Variants in PRKCE observed in about 807,000 individuals in gnomAD.
The protein encoded by PRKCE is protein kinase C epsilon type.
Under a neutral mutation model 85.4 loss-of-function variants are expected in PRKCE, and 16 were observed. That is an observed-to-expected ratio of 0.19 (90% CI 0.13 to 0.28). The LOEUF is 0.28. Ranked by LOEUF, PRKCE falls within the 10% of genes least tolerant of loss-of-function variation. PRKCE has a pLI of 1.00. For synonymous variants in PRKCE, 388 were observed against 371.5 expected, an observed-to-expected ratio of 1.04 and a Z score of -0.51; for missense variants, 573 against 975.2, an observed-to-expected ratio of 0.59 and a Z score of 5.49.
intron 7 of PRKCE, among the ~76,000 whole-genome samples, chr2:46,003,285 T>G (rs187373948): frequency 6.6e-6 from 1 of 152,292 alleles, no homozygotes; most frequent in Non-Finnish European, 1.5e-5. Flanking sequence ...AGAAAGGATG[T>G]GTGTGCACAG....
At chr2:45,956,311 CTT>C (rs1037797148) in intron 2 of PRKCE, among the ~76,000 whole-genome samples, 38 of 152,240 alleles carry the variant, frequency 2.5e-4, no homozygotes, top group African/African-American at 8.9e-4. Context: ...GTAAACATAA[CTT>C]TTTATTTCAT....
Position 45,693,253 on chromosome 2 carries a change from G to A in PRKCE, c.348+40805G>A, listed in dbSNP as rs568215553. Among the ~76,000 whole-genome samples the A allele has an allele frequency of 1.5e-3, 229 of 152,340 alleles. 3 individuals are homozygous for A. In the South Asian group the frequency reaches 0.044, roughly 29 times the overall value. On this transcript the variant is annotated intron_variant, in intron 1 of 14. Coordinates refer to ENST00000306156, the MANE Select transcript of PRKCE (RefSeq NM_005400.3). ...AGGCAAGATAGGGGGTTCAGGCAGA[G>A]AGTAAACTTGAAAGGAAGATAAGTT...
chr2:46,017,946 T>A (rs1163113871), intron 10 of PRKCE, among the ~76,000 whole-genome samples: 1 of 152,202 alleles, frequency 6.6e-6, no homozygotes, highest in Non-Finnish European at 1.5e-5. Flanking sequence ...TGTCCTCCTG[T>A]CCAAATTCTC....
intron 1 of PRKCE, among the ~76,000 whole-genome samples, chr2:45,664,496 C>A (rs555710380): frequency 1.9e-4 from 29 of 152,266 alleles, no homozygotes; most frequent in Non-Finnish European, 3.5e-4. Context: ...TAGTAATAAC[C>A]AACTGAAGGG....
intron 1 of PRKCE, among the ~76,000 whole-genome samples, chr2:45,773,073 G>C (rs1685469232): frequency 6.6e-6 from 1 of 152,190 alleles, no homozygotes; most frequent in Admixed American, 6.5e-5. Flanking sequence ...TCCCCTTCAG[G>C]ATTCCTTAGG....
chr2:45,804,760 A>G lies in PRKCE; in HGVS notation c.349-38240A>G, dbSNP rs1688117380. Reference sequence around the variant, plus strand: ...AAATTTGGAGGCTGAGGGACTTAACATTACTGGCAGTCGGCTTGGCAGTGT... The same window carrying G: ...AAATTTGGAGGCTGAGGGACTTAACGTTACTGGCAGTCGGCTTGGCAGTGT... On this transcript the variant is annotated intron_variant, in intron 1 of 14. Coordinates refer to ENST00000306156, the MANE Select transcript of PRKCE (RefSeq NM_005400.3). Among the ~76,000 whole-genome samples, 3 of 152,202 alleles carry G rather than the reference A, an allele frequency of 2.0e-5. No homozygotes were observed. In the South Asian group the frequency reaches 6.2e-4, roughly 32 times the overall value.
At chr2:45,903,903 G>GT (rs1273680870) in intron 2 of PRKCE, among the ~76,000 whole-genome samples, 6 of 82,128 alleles carry the variant, frequency 7.3e-5, no homozygotes, top group African/African-American at 1.9e-4. Flanking sequence ...TTGTTTGTTT[G>GT]TTTGTTTGTT....
chr2:45,888,403 T>C (rs915138909), intron 2 of PRKCE, among the ~76,000 whole-genome samples: 2 of 151,826 alleles, frequency 1.3e-5, no homozygotes, highest in Non-Finnish European at 2.9e-5. Context: ...CCCAAACATT[T>C]GGCCACTGGA....
At chr2:45,938,854 C>T (rs1180970854) in intron 2 of PRKCE, among the ~76,000 whole-genome samples, 1 of 152,202 alleles carries the variant, frequency 6.6e-6, no homozygotes, top group Non-Finnish European at 1.5e-5. Flanking sequence ...ATTGCAAACC[C>T]CTGAGGGCAG....
chr2:45,926,464 C>A (rs1274137014), intron 2 of PRKCE, among the ~76,000 whole-genome samples: 1 of 152,088 alleles, frequency 6.6e-6, no homozygotes, highest in African/African-American at 2.4e-5. Flanking sequence ...GTGGTAATGG[C>A]GGTGATAGTG....
intron 11 of PRKCE, among the ~76,000 whole-genome samples, chr2:46,125,675 C>T (rs1046435233): frequency 1.3e-5 from 2 of 152,182 alleles, no homozygotes; most frequent in African/African-American, 2.4e-5. Flanking sequence ...TAAATTCATG[C>T]ATGCCAATAA....
chr2:45,846,996 T>C (rs1691846153), intron 2 of PRKCE, among the ~76,000 whole-genome samples: 1 of 152,220 alleles, frequency 6.6e-6, no homozygotes, highest in South Asian at 2.1e-4. Flanking sequence ...GACAGGTTTC[T>C]GACGCTGGGG....
intron 1 of PRKCE, among the ~76,000 whole-genome samples, chr2:45,819,922 A>G (rs1172243716): frequency 2.6e-5 from 4 of 152,304 alleles, no homozygotes; most frequent in Admixed American, 2.6e-4. Context: ...GTGTCATTGC[A>G]CAGCCCACTG....
At chr2:45,885,329 A>C (rs1159530149) in intron 2 of PRKCE, among the ~76,000 whole-genome samples, 1 of 152,022 alleles carries the variant, frequency 6.6e-6, no homozygotes, top group African/African-American at 2.4e-5. Flanking sequence ...GACCTGACAA[A>C]GCTTCCTTTT....
intron 2 of PRKCE, among the ~76,000 whole-genome samples, chr2:45,934,180 C>T (rs569751813): frequency 6.6e-6 from 1 of 152,350 alleles, no homozygotes; most frequent in Admixed American, 6.5e-5. Context: ...CGTACTCCCA[C>T]TGTACACTTC....
intron 11 of PRKCE, among the ~76,000 whole-genome samples, chr2:46,098,327 CCA>C (rs1333343755): frequency 6.6e-6 from 1 of 151,302 alleles, no homozygotes; most frequent in East Asian, 1.9e-4. Flanking sequence ...TACTCCCCCC[CCA>C]ACCCACACAG....
In PRKCE at chr2:45,905,669, T is replaced by G. The variant is rs1190496035; in HGVS notation, c.412+62606T>G. On this transcript the variant is annotated intron_variant, in intron 2 of 14. Transcript: ENST00000306156. This position sits in a 1 kb window ranked among gnomAD's most constrained non-coding sequence, Gnocchi z 4.4. ...GGGGCCCTAGCTGGGGAACCTCTGA[T>G]GCTGGGAGGGTGGATGCCAGGTGGT... 6.6e-6 allele frequency among the ~76,000 whole-genome samples: 1 copy of G among 152,194 alleles called. No individual in the cohort carries two copies. Among genetic ancestry groups the G allele is most frequent in the African/African-American group, 2.4e-5 (1 of 41,454 alleles).
chr2:45,790,463 G>A (rs10170073), intron 1 of PRKCE, among the ~76,000 whole-genome samples: 80,701 of 152,118 alleles, frequency 0.53, 23,511 homozygotes, highest in African/African-American at 0.78. Flanking sequence ...TTATCAGAGC[G>A]TAGAGCAAGT....
chr2:45,806,924 T>A (rs11886611), intron 1 of PRKCE, among the ~76,000 whole-genome samples: 3,116 of 152,238 alleles, frequency 0.02, 97 homozygotes, highest in African/African-American at 0.071. Flanking sequence ...CTTTAAATAG[T>A]TGGGCCCCTG....
Sources: gnomAD v4.1 joint callset for allele counts (sites outside exome capture counted in the v4.1 genomes callset) on GRCh38, gnomAD v4.1.1 for gene constraint, Gnocchi (gnomAD v3.1) non-coding constraint, MANE v1.5 for transcripts, NCBI Gene and HGNC (gene_info 2026-07-23, HGNC 2026-07-21) for gene names.